The following MTMR8 variants were observed in gnomAD, a reference collection of about 807,000 sequenced individuals.
MTMR8 encodes the protein myotubularin related protein 8, also known as phosphatidylinositol-3,5-bisphosphate 3-phosphatase MTMR8.
A neutral mutation model predicts 39.3 loss-of-function variants in MTMR8; 65 were observed. The ratio of observed to expected loss-of-function variants is 1.65; its 90% CI spans 1.35 to 2.03. The LOEUF (loss-of-function observed/expected upper bound fraction) is 2.03, where lower values mean the gene tolerates loss of function less well. MTMR8 is among the 30% of genes most tolerant of loss of function. MTMR8 has a pLI of 0.00. For synonymous variants in MTMR8, 245 were observed against 185.2 expected (o/e 1.32, Z -2.62); for missense variants, 777 against 538.9 (o/e 1.44, Z -4.37).
intron 12 of MTMR8, chrX:64,306,053 G>A: frequency 9.7e-6 from 2 of 205,334 alleles, no homozygotes; most frequent in Non-Finnish European, 1.9e-5. Flanking sequence ...GAGGTTGAGG[G>A]TGCAGTTAGC....
chrX:64,353,791 G>T (rs1923546016), intron 4 of MTMR8, among the ~76,000 whole-genome samples: 1 of 110,236 alleles, frequency 9.1e-6, no homozygotes, highest in Non-Finnish European at 1.9e-5. Flanking sequence ...GCCAGGCATG[G>T]GTGTGGGTGC....
rs751871944 is a variant in MTMR8 at position 64,378,786 on chromosome X, T to C, written c.24+16554A>G. 2.6e-4 allele frequency among the ~76,000 whole-genome samples: 29 copies of C among 111,199 alleles called. 2 individuals are homozygous for C. The highest frequency in any genetic ancestry group is 1.3e-4 in the Non-Finnish European group (7 of 53,046). On this transcript the variant is annotated intron_variant, in intron 1 of 13. Transcript: ENST00000374852. ...AATCCAAAGTAAACTTCTGAAATAT[T>C]ATAGAGTAGAAATCAATGAAATTGA...
intron 12 of MTMR8, among the ~76,000 whole-genome samples, chrX:64,281,273 G>A (rs771390035): frequency 1.8e-5 from 2 of 111,467 alleles, no homozygotes; most frequent in Admixed American, 9.6e-5. Flanking sequence ...ACAGCTAGAG[G>A]TATCACACTA....
At chrX:64,302,841 T>C (rs1921946812) in intron 12 of MTMR8, among the ~76,000 whole-genome samples, 2 of 112,389 alleles carry the variant, frequency 1.8e-5, no homozygotes, top group African/African-American at 6.5e-5. Flanking sequence ...CAGAGTTCCC[T>C]GACCCACAGA....
chrX:64,381,697 G>A (rs1924429454), intron 1 of MTMR8, among the ~76,000 whole-genome samples: 1 of 111,061 alleles, frequency 9.0e-6, no homozygotes, highest in Non-Finnish European at 1.9e-5. Flanking sequence ...GTCCTGAATG[G>A]TATTGCCTAG....
chrX:64,269,078 A>C (rs374936060), intron 13 of MTMR8, 35 bp from the exon 14 acceptor site: 8 of 1,169,218 alleles, frequency 6.8e-6, no homozygotes, highest in Non-Finnish European at 8.0e-6. Context: ...GAGAAGAATT[A>C]GAAACAGGAG....
At chrX:64,287,866 G>C (rs1466221978) in intron 12 of MTMR8, among the ~76,000 whole-genome samples, 1 of 105,837 alleles carries the variant, frequency 9.4e-6, no homozygotes, top group Non-Finnish European at 1.9e-5. Context: ...AAAAACCCTA[G>C]AAGAAAACCT....
At chrX:64,363,643 C>T (rs1923858678) in intron 1 of MTMR8, among the ~76,000 whole-genome samples, 1 of 111,924 alleles carries the variant, frequency 8.9e-6, no homozygotes, top group East Asian at 2.8e-4. Flanking sequence ...CGAATAGGAA[C>T]AGCTACAGTC....
At chrX:64,295,148 T>G (rs1052775135) in intron 12 of MTMR8, among the ~76,000 whole-genome samples, 2 of 110,134 alleles carry the variant, frequency 1.8e-5, no homozygotes, top group African/African-American at 6.6e-5. Flanking sequence ...AGTGAGAACC[T>G]GAGCAACGAG....
chrX:64,376,272 T>C (rs1051526337), intron 1 of MTMR8, among the ~76,000 whole-genome samples: 9 of 111,364 alleles, frequency 8.1e-5, no homozygotes, highest in African/African-American at 2.9e-4. Flanking sequence ...AGGCTTTGGG[T>C]GGAAAAGTTT....
intron 12 of MTMR8, among the ~76,000 whole-genome samples, chrX:64,272,986 A>G (rs1449222808): frequency 1.8e-5 from 2 of 111,861 alleles, no homozygotes; most frequent in East Asian, 5.6e-4. Context: ...CCAGACAAAC[A>G]AAAGCTAAGG....
At chrX:64,357,594 A>AT (rs1162533486) in intron 2 of MTMR8, among the ~76,000 whole-genome samples, 1 of 110,353 alleles carries the variant, frequency 9.1e-6, no homozygotes, top group Non-Finnish European at 1.9e-5. Flanking sequence ...TGCCTGGCTA[A>AT]TTTTTTTAAC....
At chrX:64,373,445 A>C (rs1924180500) in intron 1 of MTMR8, among the ~76,000 whole-genome samples, 2 of 111,537 alleles carry the variant, frequency 1.8e-5, no homozygotes, top group Admixed American at 9.6e-5. Flanking sequence ...ATTTGAAAAT[A>C]AACCTGCTTC....
chrX:64,283,556 T>A (rs1186159250), intron 12 of MTMR8, among the ~76,000 whole-genome samples: 1 of 112,061 alleles, frequency 8.9e-6, no homozygotes, highest in Admixed American at 9.4e-5. Flanking sequence ...CAGAATAGCC[T>A]AGCTGGGAGA....
chrX:64,297,931 A>C lies in MTMR8; in HGVS notation c.1482-26858T>G, dbSNP rs1489896455. 5.5e-4 allele frequency among the ~76,000 whole-genome samples: 53 copies of C among 97,020 alleles called. 1 individual carries two copies. Among genetic ancestry groups the C allele is most frequent in the African/African-American group, 1.9e-3 (49 of 26,426 alleles). The allele number at this position is 97,020 out of a possible 115,157, so 84.3% of individuals were successfully genotyped here. On this transcript the variant is annotated intron_variant, in intron 12 of 13. Coordinates refer to ENST00000374852, the MANE Select transcript of MTMR8 (RefSeq NM_017677.4). The stretch of plus-strand genomic sequence containing the variant: ...ATTTCTGAGGGCTCTGTTCTGTTCC[A>C]TTGATCTATATCTCTGTTTTGGTAC...
intron 11 of MTMR8, among the ~76,000 whole-genome samples, chrX:64,330,017 G>A (rs189843067): frequency 2.7e-5 from 3 of 111,786 alleles, no homozygotes; most frequent in Non-Finnish European, 5.7e-5. Flanking sequence ...AGGTGAGAGA[G>A]CCAAAGTTTG....
chrX:64,278,475 T>TC (rs1329230385), intron 12 of MTMR8, among the ~76,000 whole-genome samples: 1 of 70,032 alleles, frequency 1.4e-5, no homozygotes, highest in Non-Finnish European at 2.7e-5. Flanking sequence ...TTTTTTTTTT[T>TC]TTTTTTTTTT....
At chrX:64,393,345 G>A (rs774262178) in intron 1 of MTMR8, among the ~76,000 whole-genome samples, 7 of 111,758 alleles carry the variant, frequency 6.3e-5, no homozygotes, top group Admixed American at 9.5e-5. Flanking sequence ...TATTCTATAC[G>A]TATTAGCTGC....
intron 1 of MTMR8, among the ~76,000 whole-genome samples, chrX:64,385,084 T>C (rs767388735): frequency 1.1e-3 from 118 of 112,332 alleles, no homozygotes; most frequent in Non-Finnish European, 1.8e-3. Flanking sequence ...TTGAACACTT[T>C]GCTGATTAGA....
Sources: gnomAD v4.1 joint callset for allele counts (sites outside exome capture counted in the v4.1 genomes callset) on GRCh38, gnomAD v4.1.1 for gene constraint, MANE v1.5 for transcripts, NCBI Gene and HGNC (gene_info 2026-07-23, HGNC 2026-07-21) for gene names.